The following ANKRD30A variants were observed in gnomAD, a reference collection of about 807,000 sequenced individuals.
ANKRD30A encodes ankyrin repeat domain-containing protein 30A.
A neutral mutation model predicts 166.3 loss-of-function variants in ANKRD30A; 170 were observed. That is an observed-to-expected ratio of 1.02 (90% CI 0.90 to 1.16). The LOEUF (loss-of-function observed/expected upper bound fraction) is 1.16. ANKRD30A is among the 50% of genes most tolerant of loss of function. The pLI is 0.00. For synonymous variants in ANKRD30A, 564 were observed against 508.9 expected (o/e 1.11, Z -1.46); for missense variants, 1,630 against 1,518.0 (o/e 1.07, Z -1.23).
intron 15 of ANKRD30A, among the ~76,000 whole-genome samples, chr10:37,160,623 A>T (rs568458314): frequency 1.3e-5 from 2 of 152,326 alleles, no homozygotes; most frequent in South Asian, 4.1e-4. Context: ...TTTTAAAAAA[A>T]TATAAATCAA....
chr10:37,259,692 A>G, the ANKRD30A span, among the ~76,000 whole-genome samples: 4 of 152,260 alleles, frequency 2.6e-5, no homozygotes, highest in South Asian at 6.2e-4. Flanking sequence ...ATATGCAACA[A>G]CATGGATAAA....
chr10:37,133,791 A>G, intron 4 of ANKRD30A, 125 bp from the exon 5 acceptor site: 1 of 1,163,246 alleles, frequency 8.6e-7, no homozygotes, highest in Non-Finnish European at 1.2e-6. Context: ...ATTTACAAGG[A>G]TAAACACTTG....
At chr10:37,245,337 A>T in the ANKRD30A span, among the ~76,000 whole-genome samples, 94 of 152,116 alleles carry the variant, frequency 6.2e-4, no homozygotes, top group Admixed American at 1.0e-3. Context: ...TGAATATTTG[A>T]TCTGTACAAT....
intron 34 of ANKRD30A, among the ~76,000 whole-genome samples, chr10:37,223,469 A>G (rs1049714994): frequency 1.4e-4 from 21 of 151,386 alleles, no homozygotes; most frequent in African/African-American, 4.8e-4. Context: ...AACCTGGAAT[A>G]TTGTGAACTA....
In ANKRD30A at chr10:37,132,270, A is replaced by G; in HGVS notation, c.541A>G (p.Thr181Ala). 4 of 1,603,946 alleles carry G rather than the reference A, an allele frequency of 2.5e-6. No individual in the cohort carries two copies. Among genetic ancestry groups the G allele is most frequent in the Admixed American group, 1.7e-5 (1 of 58,524 alleles). The stretch of plus-strand genomic sequence containing the variant: ...CCTCACACCACTTTTACTATCCATA[A>G]CGAAAAGAAGTGAGCAAATTGTGGA... Reference protein sequence around the residue: ...ASLTPLLLSITKRSEQIVEFL... With the variant: ...ASLTPLLLSIAKRSEQIVEFL... Residue 181 changes from threonine (T) to alanine (A), a missense_variant, in exon 4 of 36, where the codon ACG (threonine) becomes GCG (alanine). Thr to Ala is a moderately conservative substitution (Grantham distance 58). Coordinates refer to ENST00000361713, the MANE Select transcript of ANKRD30A (RefSeq NM_052997.3).
At chr10:37,209,238 G>A (rs1010924723) in intron 31 of ANKRD30A, among the ~76,000 whole-genome samples, 8 of 152,110 alleles carry the variant, frequency 5.3e-5, no homozygotes, top group African/African-American at 1.9e-4. Flanking sequence ...GGCTATTTGT[G>A]CATTGCTATA....
intron 15 of ANKRD30A, among the ~76,000 whole-genome samples, chr10:37,161,373 A>G (rs1838852514): frequency 6.6e-6 from 1 of 152,190 alleles, no homozygotes; most frequent in African/African-American, 2.4e-5. Flanking sequence ...AACAAAGAGA[A>G]AGGAAGTGTT....
At chr10:37,238,466 T>G in the ANKRD30A span, among the ~76,000 whole-genome samples, 1 of 152,222 alleles carries the variant, frequency 6.6e-6, no homozygotes, top group South Asian at 2.1e-4. Flanking sequence ...GGTATATCTC[T>G]CCTACCATTT....
At chr10:37,148,987 A>G (rs1444763027) in intron 9 of ANKRD30A, among the ~76,000 whole-genome samples, 2 of 152,002 alleles carry the variant, frequency 1.3e-5, no homozygotes, top group African/African-American at 4.8e-5. Flanking sequence ...CATCTATTGC[A>G]ATTAATTTTT....
the ANKRD30A span, among the ~76,000 whole-genome samples, chr10:37,259,925 G>A: frequency 7.2e-5 from 11 of 152,080 alleles, no homozygotes; most frequent in African/African-American, 1.4e-4. Context: ...GAAATTCATT[G>A]AGCTGTAACT....
rs34552277 is a variant in ANKRD30A, at chr10:37,216,231, G to A, written c.2920G>A (p.Ala974Thr). 367,974 of 1,604,250 alleles carry A rather than the reference G, an allele frequency of 0.23. 44,909 individuals are homozygous for A. Among genetic ancestry groups the A allele is most frequent in the African/African-American group, 0.38 (28,231 of 74,284 alleles). Residue 974 changes from alanine (A) to threonine (T), a missense_variant, in exon 32 of 36, where the codon GCA becomes ACA. This residue lies in a region of ANKRD30A where 712 missense variants were observed against 629.3 expected (regional missense o/e 1.13). Transcript: ENST00000361713. The stretch of plus-strand genomic sequence containing the variant: ...GGATACAGTTCATTCTTGTGAAAGA[G>A]CAAGGGAACTTCAAAAAGATCACTG... ...ILDTVHSCER[A>T]RELQKDHCEQ...
chr10:37,140,653 T>C (rs2132529786), intron 6 of ANKRD30A, among the ~76,000 whole-genome samples: 1 of 152,316 alleles, frequency 6.6e-6, no homozygotes, highest in African/African-American at 2.4e-5. Context: ...GATACTCTGT[T>C]TCTAATAGCC....
chr10:37,163,081 A>G (rs2132599896), intron 17 of ANKRD30A, among the ~76,000 whole-genome samples: 1 of 151,956 alleles, frequency 6.6e-6, no homozygotes, highest in East Asian at 1.9e-4. Flanking sequence ...TTGTATCCTG[A>G]AACTGTAATG....
At chr10:37,206,354 G>A (rs189115153) in intron 31 of ANKRD30A, among the ~76,000 whole-genome samples, 2 of 152,186 alleles carry the variant, frequency 1.3e-5, no homozygotes, top group African/African-American at 4.8e-5. Flanking sequence ...TACTAGATTT[G>A]GCGACTCCCA....
At chr10:37,156,445 G>C (rs914204773) in intron 13 of ANKRD30A, among the ~76,000 whole-genome samples, 10 of 152,138 alleles carry the variant, frequency 6.6e-5, no homozygotes, top group African/African-American at 1.9e-4. Context: ...CTTCAGGGAT[G>C]ATCAGATCAC....
chr10:37,157,363 T>G (rs963506715), intron 13 of ANKRD30A, among the ~76,000 whole-genome samples: 1 of 152,234 alleles, frequency 6.6e-6, no homozygotes, highest in African/African-American at 2.4e-5. Context: ...AGTTTGCTTC[T>G]TGTTTGTAAT....
At chr10:37,223,526 A>G (rs1336362078) in intron 34 of ANKRD30A, among the ~76,000 whole-genome samples, 1 of 151,396 alleles carries the variant, frequency 6.6e-6, no homozygotes, top group Non-Finnish European at 1.5e-5. Flanking sequence ...AAATGTAAAT[A>G]TAACTAATTA....
the ANKRD30A span, among the ~76,000 whole-genome samples, chr10:37,263,023 C>T: frequency 4.2e-4 from 64 of 152,086 alleles, no homozygotes; most frequent in Non-Finnish European, 8.2e-4. Context: ...TCTAATTCAA[C>T]AAAATTATTG....
At chr10:37,196,487 G>C (rs897499458) in intron 27 of ANKRD30A, among the ~76,000 whole-genome samples, 1 of 152,062 alleles carries the variant, frequency 6.6e-6, no homozygotes, top group Non-Finnish European at 1.5e-5. Flanking sequence ...ATGATACACT[G>C]AACCAGACGA....
Sources: gnomAD v4.1 joint callset for allele counts (sites outside exome capture counted in the v4.1 genomes callset) on GRCh38, gnomAD v4.1.1 for gene constraint, gnomAD v4.1.1 regional missense constraint, MANE v1.5 for transcripts, NCBI Gene and HGNC (gene_info 2026-07-23, HGNC 2026-07-21) for gene names.